Variants in SGCD observed in about 807,000 individuals in gnomAD.
SGCD encodes the protein delta-sarcoglycan.
SGCD carries 18 observed loss-of-function variants against 36.6 expected under a neutral mutation model. The observed-to-expected ratio is 0.49, with a 90% confidence interval of 0.34 to 0.73. The LOEUF is 0.73. Ranked by LOEUF, SGCD falls within the 30% of genes least tolerant of loss-of-function variation. The probability of loss-of-function intolerance (pLI) is 0.01; values close to 1 mark genes in which losing one functional copy is unlikely to be tolerated. For missense variants in SGCD, 387 were observed against 346.7 expected (o/e 1.12, Z -0.92); for synonymous variants, 133 against 130.6 (o/e 1.02, Z -0.12).
At chr5:156,578,672 C>T (rs1030063424) in intron 4 of SGCD, among the ~76,000 whole-genome samples, 7 of 152,080 alleles carry the variant, frequency 4.6e-5, no homozygotes, top group Admixed American at 1.3e-4. Context: ...AATTTATCCA[C>T]TTCTTCTAGA....
chr5:156,151,502 T>G (rs1835927), intron 3 of SGCD, among the ~76,000 whole-genome samples: 16,600 of 151,542 alleles, frequency 0.11, 2,294 homozygotes, highest in African/African-American at 0.3. Context: ...TTTATATTTA[T>G]AGTGCAGAAT....
chr5:156,217,960 T>C (rs1455117220), intron 3 of SGCD, among the ~76,000 whole-genome samples: 1 of 152,192 alleles, frequency 6.6e-6, no homozygotes, highest in Non-Finnish European at 1.5e-5. Flanking sequence ...ATAATTTTAA[T>C]AACAGCCTTA....
At chr5:155,948,872 C>T (rs13354916) in intron 1 of SGCD, among the ~76,000 whole-genome samples, 1,681 of 152,224 alleles carry the variant, frequency 0.011, 25 homozygotes, top group African/African-American at 0.039. Context: ...GAGAAAAAGA[C>T]ATAGTCTATA....
chr5:156,584,737 G>A (rs1760422212), intron 4 of SGCD, among the ~76,000 whole-genome samples: 1 of 152,272 alleles, frequency 6.6e-6, no homozygotes, highest in East Asian at 1.9e-4. Context: ...ACAAATATTT[G>A]CTGGCTATAT....
intron 2 of SGCD, among the ~76,000 whole-genome samples, chr5:156,335,962 A>G (rs1768332021): frequency 6.6e-6 from 1 of 152,160 alleles, no homozygotes; most frequent in South Asian, 2.1e-4. Flanking sequence ...CCCATTTCCT[A>G]GAGAACACTA....
At chr5:155,905,859 C>T (rs1756498957) in intron 1 of SGCD, among the ~76,000 whole-genome samples, 3 of 152,126 alleles carry the variant, frequency 2.0e-5, no homozygotes, top group Non-Finnish European at 1.5e-5. Flanking sequence ...TCTGAGGCCT[C>T]CCCAGCCACG....
the SGCD span, among the ~76,000 whole-genome samples, chr5:155,818,993 A>C: frequency 6.6e-6 from 1 of 152,154 alleles, no homozygotes; most frequent in Non-Finnish European, 1.5e-5. Flanking sequence ...AGAAAGAGTA[A>C]CATATGAGAA....
chr5:156,229,220 C>A (rs1363872576), intron 3 of SGCD, among the ~76,000 whole-genome samples: 2 of 117,294 alleles, frequency 1.7e-5, no homozygotes, highest in African/African-American at 6.3e-5. Flanking sequence ...ATTTAATAAA[C>A]TTTATATACA....
At chr5:156,091,051 T>C (rs1320610187) in intron 1 of SGCD, among the ~76,000 whole-genome samples, 4 of 152,204 alleles carry the variant, frequency 2.6e-5, no homozygotes, top group Admixed American at 2.0e-4. Flanking sequence ...GTACAGTTAA[T>C]GCAATCATCA....
intron 7 of SGCD, among the ~76,000 whole-genome samples, chr5:156,702,908 G>T (rs990171268): frequency 6.6e-6 from 1 of 152,098 alleles, no homozygotes; most frequent in Admixed American, 6.5e-5. Flanking sequence ...CCAGTGTAAT[G>T]AAAATTACTA....
intron 6 of SGCD, among the ~76,000 whole-genome samples, chr5:156,614,196 C>T (rs1204134173): frequency 3.3e-5 from 5 of 152,184 alleles, no homozygotes; most frequent in Admixed American, 6.5e-5. Context: ...CTACCTGCCT[C>T]GGCCTCACAA....
At chr5:155,989,463 C>T (rs1412068414) in intron 1 of SGCD, among the ~76,000 whole-genome samples, 5 of 152,076 alleles carry the variant, frequency 3.3e-5, no homozygotes, top group Non-Finnish European at 1.5e-5. Context: ...GTTTGCCAAT[C>T]ACAGTTCTAA....
intron 7 of SGCD, among the ~76,000 whole-genome samples, chr5:156,744,653 A>G (rs1756859036): frequency 6.6e-6 from 1 of 152,222 alleles, no homozygotes; most frequent in Non-Finnish European, 1.5e-5. Context: ...AATTCCTATA[A>G]TAAACGAAAT....
chr5:156,177,491 A>G (rs1355003342), intron 3 of SGCD, among the ~76,000 whole-genome samples: 2 of 152,228 alleles, frequency 1.3e-5, no homozygotes, highest in South Asian at 2.1e-4. Flanking sequence ...GGGCACAGCA[A>G]CTCAAGTTGT....
intron 1 of SGCD, among the ~76,000 whole-genome samples, chr5:155,909,729 A>G (rs1756593023): frequency 6.6e-6 from 1 of 152,150 alleles, no homozygotes; most frequent in African/African-American, 2.4e-5. Context: ...TTTTGAGTGC[A>G]TCTTTTGTAG....
intron 3 of SGCD, among the ~76,000 whole-genome samples, chr5:156,426,698 T>G (rs948178061): frequency 6.6e-6 from 1 of 152,164 alleles, no homozygotes; most frequent in Non-Finnish European, 1.5e-5. Context: ...GTTTCAGCTC[T>G]TAGATTTAAG....
intron 4 of SGCD, among the ~76,000 whole-genome samples, chr5:156,567,381 G>T: frequency 3.1e-5 from 1 of 32,734 alleles, no homozygotes; most frequent in Non-Finnish European, 6.5e-5. Flanking sequence ...TAGATAAATA[G>T]ATAGATAGAT....
At chr5:156,315,036 T>C (rs1442419894) in intron 3 of SGCD, among the ~76,000 whole-genome samples, 1 of 152,016 alleles carries the variant, frequency 6.6e-6, no homozygotes, top group Non-Finnish European at 1.5e-5. Flanking sequence ...TTACCTCACA[T>C]AGTTACCATT....
intron 1 of SGCD, among the ~76,000 whole-genome samples, chr5:155,984,978 A>G (rs952253829): frequency 6.6e-6 from 1 of 152,232 alleles, no homozygotes; most frequent in African/African-American, 2.4e-5. Flanking sequence ...TATGCACCTG[A>G]GTGGAGTAGT....
Sources: allele counts gnomAD v4.1 joint callset (sites outside exome capture counted in the v4.1 genomes callset), GRCh38; gene constraint gnomAD v4.1.1; transcripts MANE v1.5; gene names NCBI Gene and HGNC (gene_info 2026-07-23, HGNC 2026-07-21).